Variants in TNNT2 observed in about 807,000 individuals in gnomAD.
The protein encoded by TNNT2 is troponin T, cardiac muscle.
Under a neutral mutation model 62.4 loss-of-function variants are expected in TNNT2, and 34 were observed. The ratio of observed to expected loss-of-function variants is 0.54; its 90% CI spans 0.41 to 0.72. The LOEUF is 0.72. TNNT2 is among the 30% of genes least tolerant of loss of function. The pLI is 0.00. For missense variants in TNNT2, 275 were observed against 381.9 expected, an observed-to-expected ratio of 0.72 and a Z score of 2.33; for synonymous variants, 123 against 127.2, an observed-to-expected ratio of 0.97 and a Z score of 0.22.
chr1:201,372,142 T>G lies in TNNT2; in HGVS notation c.52+3A>C, dbSNP rs763459940. On this transcript the variant is annotated splice_donor_region_variant and intron_variant, in intron 3 of 16. Coordinates refer to ENST00000656932, the MANE Select transcript of TNNT2 (RefSeq NM_001276345.2). The stretch of plus-strand genomic sequence containing the variant: ...CCAAATGAGTACACACGTTTACGCT[T>G]ACCTTCCTGCTCCCTGAGAGCAACA... The G allele has an allele frequency of 3.1e-6, 5 of 1,614,168 alleles. No homozygotes were observed. The South Asian group carries it at 5.5e-5, about 18-fold the overall frequency.
intron 4 of TNNT2, among the ~76,000 whole-genome samples, 162 bp downstream of exon 4, chr1:201,371,865 C>T (rs1333087327): frequency 6.6e-6 from 1 of 152,174 alleles, no homozygotes; most frequent in East Asian, 1.9e-4. Context: ...CCGAGCAACC[C>T]AGGTAGGACT....
chr1:201,368,246 C>T lies in TNNT2; in HGVS notation c.98-19G>A. The T allele has an allele frequency of 6.2e-7, 1 of 1,613,786 alleles. No homozygotes were observed. The highest frequency in any genetic ancestry group is 2.2e-5 in the East Asian group (1 of 44,872). On this transcript the variant is annotated intron_variant, in intron 5 of 16. Transcript: ENST00000656932. ...TCCTGCTCTGGAGAAGTGAAGCAGA[C>T]AGAGTGAAGAAGCAGGCCCCACTCA...
chr1:201,373,907 A>G (rs944885082), intron 1 of TNNT2: 17 of 160,578 alleles, frequency 1.1e-4, no homozygotes, highest in Non-Finnish European at 2.2e-4. Flanking sequence ...CCTGGACAAA[A>G]GGTCTTTGGG....
intron 8 of TNNT2, chr1:201,366,202 G>A (rs1659621858): frequency 2.9e-6 from 3 of 1,031,222 alleles, no homozygotes; most frequent in African/African-American, 1.7e-5. Flanking sequence ...AGGCCAGGAA[G>A]GGGGAAGGCA....
Position 201,373,341 on chromosome 1 carries a change from T to G in TNNT2, c.-14-73A>C, listed in dbSNP as rs567706341. ...TTCCTCAGAAGAGCTCTGGCCCCCG[T>G]TGTACAGAGATCAGCGAGGCCTAGG... On this transcript the variant is annotated intron_variant, in intron 1 of 16. Coordinates refer to ENST00000656932, the MANE Select transcript of TNNT2 (RefSeq NM_001276345.2). 19 of 1,352,824 alleles carry G rather than the reference T, an allele frequency of 1.4e-5. No homozygotes were observed. The East Asian group carries it at 4.3e-4, about 31-fold the overall frequency. 83.8% of individuals were successfully genotyped at this position (1,352,824 alleles called of 1,614,324 possible). A position where few individuals can be genotyped will look rare whatever the true frequency, so the allele number is the denominator to read the frequency against.
intron 14 of TNNT2, 60 bp from the exon 15 acceptor site, chr1:201,361,429 G>A (rs999146600): frequency 3.8e-5 from 55 of 1,463,772 alleles, no homozygotes; most frequent in Admixed American, 6.7e-5. Flanking sequence ...CTGGGCCTCC[G>A]TCCTGGTCCC....
intron 10 of TNNT2, 151 bp from the exon 11 acceptor site, chr1:201,364,526 A>G: frequency 2.5e-6 from 2 of 800,890 alleles, no homozygotes; most frequent in South Asian, 2.9e-5. Context: ...AAGGGCCTCC[A>G]CTTTCAACCA....
intron 13 of TNNT2, 116 bp downstream of exon 13, chr1:201,362,270 C>T (rs1443324769): frequency 6.6e-7 from 1 of 1,522,632 alleles, no homozygotes; most frequent in African/African-American, 1.4e-5. Flanking sequence ...ACCAGCTTCC[C>T]CCCTCCCCAG....
At chr1:201,367,703 C>A (rs1487857241) in intron 7 of TNNT2, 68 bp downstream of exon 7, 3 of 1,535,202 alleles carry the variant, frequency 2.0e-6, no homozygotes, top group Non-Finnish European at 1.8e-6. Flanking sequence ...GCACTGTGGG[C>A]ATTCTCCTCC....
At chr1:201,371,528 C>T (rs1660602824) in intron 4 of TNNT2, among the ~76,000 whole-genome samples, 1 of 152,138 alleles carries the variant, frequency 6.6e-6, no homozygotes, top group Non-Finnish European at 1.5e-5. Flanking sequence ...TTAAGTAGTG[C>T]TTATCTCTTA....
chr1:201,369,319 G>T (rs747610415), intron 5 of TNNT2: 1 of 472,564 alleles, frequency 2.1e-6, no homozygotes, highest in Non-Finnish European at 4.4e-6. Flanking sequence ...GCATCTGAAG[G>T]CTGACGTCAT....
At chr1:201,368,128 C>T (rs982080257) in intron 6 of TNNT2, 34 bp downstream of exon 6, 2 of 1,610,996 alleles carry the variant, frequency 1.2e-6, no homozygotes, top group African/African-American at 1.3e-5. Context: ...CTCGCCACCC[C>T]CTGAGGCCCC....
rs1041180932 is a variant in TNNT2, at chr1:201,364,072, G to T, written c.489+226C>A. ...TGGCTAATTTTGTATTTTTAGTAGA[G>T]ACAGGGTTTCTCCGTTGGTCAGGAT... On this transcript the variant is annotated intron_variant, in intron 11 of 16. Coordinates refer to ENST00000656932, the MANE Select transcript of TNNT2 (RefSeq NM_001276345.2). The T allele has an allele frequency of 7.5e-5, 41 of 543,256 alleles. No individual in the cohort carries two copies. In the African/African-American group the frequency reaches 7.8e-4, roughly 10 times the overall value. 33.7% of individuals were successfully genotyped at this position (543,256 alleles called of 1,614,324 possible).
chr1:201,373,964 A>T (rs1170043099), intron 1 of TNNT2: 1 of 155,248 alleles, frequency 6.4e-6, no homozygotes, highest in Non-Finnish European at 1.4e-5. Context: ...CTTGTCTCTA[A>T]ATAAATAAAT....
At chr1:201,364,003 C>T (rs1316578072) in intron 11 of TNNT2, 2 of 423,840 alleles carry the variant, frequency 4.7e-6, no homozygotes, top group African/African-American at 4.1e-5. Context: ...TCTCCTGCCT[C>T]AGCCTCCTGA....
chr1:201,373,090 G>A, intron 2 of TNNT2, 124 bp downstream of exon 2: 1 of 952,668 alleles, frequency 1.0e-6, no homozygotes, highest in Non-Finnish European at 1.7e-6. Flanking sequence ...TCTCCTCGGG[G>A]TGCCCAAAAC....
rs551958259 is a variant in TNNT2 at position 201,361,127 on chromosome 1, A to G, written c.810+152T>C. 6 of 796,172 alleles carry G rather than the reference A, an allele frequency of 7.5e-6. No individual in the cohort carries two copies. In the African/African-American group the frequency reaches 1.0e-4, roughly 13 times the overall value. 49.3% of individuals were successfully genotyped at this position (796,172 alleles called of 1,614,324 possible). A position where few individuals can be genotyped will look rare whatever the true frequency, so the allele number is the denominator to read the frequency against. ...ATGCGGTGGACATGGAACACTGCTG[A>G]AGGCCAGGCAGCAGGGGCAGATGCA... On this transcript the variant is annotated intron_variant, in intron 15 of 16. Coordinates refer to ENST00000656932, the MANE Select transcript of TNNT2 (RefSeq NM_001276345.2).
At chr1:201,374,447 G>A (rs186495705) in intron 1 of TNNT2, 1 of 152,236 alleles carries the variant, frequency 6.6e-6, no homozygotes, top group East Asian at 1.9e-4. Context: ...TACACATCCT[G>A]GCTACTCAGG....
At chr1:201,369,617 T>C (rs1280237741) in intron 5 of TNNT2, among the ~76,000 whole-genome samples, 199 bp downstream of exon 5, 1 of 152,134 alleles carries the variant, frequency 6.6e-6, no homozygotes, top group Non-Finnish European at 1.5e-5. Context: ...GAGGAGCCAG[T>C]GGCCCTGAAG....
Sources: gnomAD v4.1 joint callset for allele counts (sites outside exome capture counted in the v4.1 genomes callset) on GRCh38, gnomAD v4.1.1 for gene constraint, MANE v1.5 for transcripts, NCBI Gene and HGNC (gene_info 2026-07-23, HGNC 2026-07-21) for gene names.